The following TNKS variants were observed in gnomAD, a reference collection of about 807,000 sequenced individuals.
TNKS encodes tankyrase, also known as poly [ADP-ribose] polymerase tankyrase-1.
Under a neutral mutation model 135.8 loss-of-function variants are expected in TNKS, and 72 were observed. The observed-to-expected ratio is 0.53, with a 90% confidence interval of 0.44 to 0.64. The LOEUF (loss-of-function observed/expected upper bound fraction) is 0.64, where lower values mean the gene tolerates loss of function less well. Ranked by LOEUF, TNKS falls within the 30% of genes least tolerant of loss-of-function variation. The pLI, the probability that TNKS is intolerant of heterozygous loss-of-function variation, is 0.00. For missense variants in TNKS, 1,769 were observed against 1,674.0 expected, an observed-to-expected ratio of 1.06 and a Z score of -0.99; for synonymous variants, 849 against 649.3, an observed-to-expected ratio of 1.31 and a Z score of -4.68.
At chr8:9,742,386 C>G (rs1401456038) in intron 17 of TNKS, among the ~76,000 whole-genome samples, 1 of 149,142 alleles carries the variant, frequency 6.7e-6, no homozygotes, top group East Asian at 2.0e-4. Flanking sequence ...ACATGGGCAA[C>G]CCACTTCCCT....
chr8:9,648,093 G>T (rs1253273095), intron 3 of TNKS, among the ~76,000 whole-genome samples: 4 of 152,214 alleles, frequency 2.6e-5, no homozygotes, highest in East Asian at 1.9e-4. Flanking sequence ...TGCGGGACTG[G>T]AAGTTGACTC....
intron 22 of TNKS, among the ~76,000 whole-genome samples, chr8:9,764,328 A>G (rs1807310059): frequency 6.6e-6 from 1 of 152,164 alleles, no homozygotes; most frequent in African/African-American, 2.4e-5. Flanking sequence ...TTTCACCTAC[A>G]GAACAAATAT....
At chr8:9,766,505 A>C in intron 25 of TNKS, 80 bp downstream of exon 25, 2 of 857,016 alleles carry the variant, frequency 2.3e-6, no homozygotes, top group East Asian at 3.2e-5. Context: ...TTTTTTTTTG[A>C]GATGAAGTCT....
At chr8:9,756,955 T>TTTTTTG in intron 20 of TNKS, among the ~76,000 whole-genome samples, 1 of 151,778 alleles carries the variant, frequency 6.6e-6, no homozygotes, top group East Asian at 1.9e-4. Context: ...TTGGTATACT[T>TTTTTTG]TTTTTGTTTT....
intron 20 of TNKS, among the ~76,000 whole-genome samples, chr8:9,755,209 G>C (rs1445574418): frequency 6.6e-6 from 1 of 152,068 alleles, no homozygotes; most frequent in African/African-American, 2.4e-5. Context: ...TTCCTGTGGC[G>C]TATTTATCAC....
At chr8:9,605,159 G>A (rs892324026) in intron 2 of TNKS, among the ~76,000 whole-genome samples, 4 of 151,914 alleles carry the variant, frequency 2.6e-5, no homozygotes, top group African/African-American at 9.7e-5. Flanking sequence ...AAGTTGTCTG[G>A]TGCCCATCTG....
intron 3 of TNKS, among the ~76,000 whole-genome samples, chr8:9,662,241 C>A (rs1351051615): frequency 3.9e-5 from 6 of 152,176 alleles, no homozygotes; most frequent in Non-Finnish European, 8.8e-5. Flanking sequence ...CATCCCATTA[C>A]TGGGTATATA....
chr8:9,667,199 G>T (rs1171087468), intron 3 of TNKS, among the ~76,000 whole-genome samples: 1 of 152,176 alleles, frequency 6.6e-6, no homozygotes, highest in Non-Finnish European at 1.5e-5. Context: ...TTTATGTGAA[G>T]TATTTATATT....
At chr8:9,740,245 C>G (rs1805867278) in intron 17 of TNKS, among the ~76,000 whole-genome samples, 1 of 152,142 alleles carries the variant, frequency 6.6e-6, no homozygotes, top group Non-Finnish European at 1.5e-5. Context: ...ATGTGCTTGA[C>G]AGTTCATCCA....
At chr8:9,620,295 C>G (rs1585239757) in intron 3 of TNKS, among the ~76,000 whole-genome samples, 1 of 152,114 alleles carries the variant, frequency 6.6e-6, no homozygotes, top group South Asian at 2.1e-4. Flanking sequence ...ATCAGTAATT[C>G]AGGTCTACCG....
chr8:9,589,435 A>G (rs1385470262), intron 2 of TNKS, among the ~76,000 whole-genome samples: 5 of 152,260 alleles, frequency 3.3e-5, no homozygotes, highest in Non-Finnish European at 7.3e-5. Flanking sequence ...AGAATTTTGA[A>G]GTAAACAACC....
chr8:9,596,321 C>A (rs1798786164), intron 2 of TNKS, among the ~76,000 whole-genome samples: 1 of 152,046 alleles, frequency 6.6e-6, no homozygotes, highest in Admixed American at 6.6e-5. Context: ...AGTTTTAATA[C>A]TGAAATGTGG....
At chr8:9,608,179 A>G (rs1799309209) in intron 2 of TNKS, among the ~76,000 whole-genome samples, 1 of 152,084 alleles carries the variant, frequency 6.6e-6, no homozygotes, top group Admixed American at 6.6e-5. Context: ...AGGCTTAAGC[A>G]ATTCTTCCAC....
chr8:9,776,466 G>C (rs1383450518), intron 26 of TNKS, among the ~76,000 whole-genome samples, 184 bp from the exon 27 acceptor site: 1 of 152,146 alleles, frequency 6.6e-6, no homozygotes, highest in East Asian at 1.9e-4. Context: ...CTAGATTGTA[G>C]GGTTTATACA....
chr8:9,750,249 T>C (rs569677022), intron 18 of TNKS, among the ~76,000 whole-genome samples: 1 of 152,352 alleles, frequency 6.6e-6, no homozygotes, highest in East Asian at 1.9e-4. Flanking sequence ...ACCTTTGGCC[T>C]GAGGCTGTGC....
chr8:9,726,839 G>A lies in TNKS; in HGVS notation c.2001+119G>A, dbSNP rs950173186. ...CAGTAAAAAGGATGAACAGAGTCAT[G>A]GGCAGGAAAAATCTGTACTACTATT... On this transcript the variant is annotated intron_variant, in intron 13 of 26. Transcript: ENST00000310430. 21 of 809,866 alleles carry A rather than the reference G, an allele frequency of 2.6e-5. No homozygotes were observed. In the East Asian group the frequency reaches 5.2e-4, roughly 20 times the overall value. The allele number at this position is 809,866 out of a possible 1,614,324, so 50.2% of individuals were successfully genotyped here. A position where few individuals can be genotyped will look rare whatever the true frequency, so the allele number is the denominator to read the frequency against.
At chr8:9,646,818 T>A (rs2128779168) in intron 3 of TNKS, among the ~76,000 whole-genome samples, 1 of 152,304 alleles carries the variant, frequency 6.6e-6, no homozygotes, top group Non-Finnish European at 1.5e-5. Context: ...TAGTCCTAAT[T>A]TTATCCTTTG....
chr8:9,575,029 G>C (rs1209085359), intron 1 of TNKS: 1 of 985,140 alleles, frequency 1.0e-6, no homozygotes, highest in Non-Finnish European at 1.2e-6. Context: ...AAACTGCTAT[G>C]TGTGCCTGGA....
At chr8:9,699,046 G>A (rs1299645059) in intron 5 of TNKS, among the ~76,000 whole-genome samples, 1 of 152,130 alleles carries the variant, frequency 6.6e-6, no homozygotes, top group African/African-American at 2.4e-5. Flanking sequence ...TAACAGAAAC[G>A]TCTGTTTTTA....
Sources: gnomAD v4.1 joint callset for allele counts (sites outside exome capture counted in the v4.1 genomes callset) on GRCh38, gnomAD v4.1.1 for gene constraint, MANE v1.5 for transcripts, NCBI Gene and HGNC (gene_info 2026-07-23, HGNC 2026-07-21) for gene names.